The following LRGUK variants were observed in gnomAD, a reference collection of about 807,000 sequenced individuals.
The protein encoded by LRGUK is leucine rich repeats and guanylate kinase domain containing.
Under a neutral mutation model 76.0 loss-of-function variants are expected in LRGUK, and 65 were observed. That is an observed-to-expected ratio of 0.85 (90% CI 0.70 to 1.05). The LOEUF is 1.05. Among genes scored for constraint, LRGUK ranks in the 50% least tolerant of loss-of-function variants. The pLI is 0.00. For missense variants in LRGUK, 758 were observed against 732.8 expected, an observed-to-expected ratio of 1.03 and a Z score of -0.40; for synonymous variants, 268 against 265.6, an observed-to-expected ratio of 1.01 and a Z score of -0.09.
chr7:134,241,119 C>T (rs567810955), intron 16 of LRGUK, among the ~76,000 whole-genome samples: 5 of 152,232 alleles, frequency 3.3e-5, no homozygotes, highest in South Asian at 4.2e-4. Flanking sequence ...TAAAGACCAT[C>T]GATGCTAGGA....
At chr7:134,261,830 G>A (rs1160097986) in intron 19 of LRGUK, among the ~76,000 whole-genome samples, 6 of 152,106 alleles carry the variant, frequency 3.9e-5, no homozygotes, top group Admixed American at 2.6e-4. Flanking sequence ...TATAAACAAT[G>A]TGCAAATGAA....
chr7:134,252,453 G>A (rs1585603697), intron 18 of LRGUK, among the ~76,000 whole-genome samples: 2 of 152,138 alleles, frequency 1.3e-5, no homozygotes, highest in East Asian at 3.9e-4. Flanking sequence ...CAAGAACTCA[G>A]CCCAAGATGG....
intron 19 of LRGUK, 66 bp from the exon 20 acceptor site, chr7:134,263,779 A>G (rs1283934464): frequency 6.8e-7 from 1 of 1,461,178 alleles, no homozygotes; most frequent in African/African-American, 1.4e-5. Context: ...TATATCATGC[A>G]ACACTTATTC....
At chr7:134,163,418 A>G (rs759039503) in exon 7 of LRGUK, 12 of 1,613,158 alleles carry the variant, frequency 7.4e-6, no homozygotes, top group Non-Finnish European at 1.0e-5. Flanking sequence ...GATTGAGATG[A>G]TCACAGGTTT....
At chr7:134,175,747 G>A (rs1009665521) in intron 8 of LRGUK, among the ~76,000 whole-genome samples, 4 of 151,970 alleles carry the variant, frequency 2.6e-5, no homozygotes, top group African/African-American at 7.2e-5. Flanking sequence ...CAGATCATCC[G>A]CTAATATCTA....
At chr7:134,183,627 A>T in intron 10 of LRGUK, 107 bp from the exon 11 acceptor site, 1 of 1,234,274 alleles carries the variant, frequency 8.1e-7, no homozygotes, top group Non-Finnish European at 1.2e-6. Flanking sequence ...GCAGGGTCTT[A>T]TATAGCAAGT....
At chr7:134,261,141 T>C (rs1802715033) in intron 19 of LRGUK, among the ~76,000 whole-genome samples, 1 of 152,184 alleles carries the variant, frequency 6.6e-6, no homozygotes, top group African/African-American at 2.4e-5. Flanking sequence ...ACAATAAGGG[T>C]CTGGAAGTTC....
intron 7 of LRGUK, among the ~76,000 whole-genome samples, chr7:134,169,447 A>G (rs1174297516): frequency 2.0e-5 from 3 of 152,112 alleles, no homozygotes; most frequent in African/African-American, 4.8e-5. Flanking sequence ...ACCCTAGAAA[A>G]CTTATATATC....
exon 16 of LRGUK, chr7:134,221,834 G>C: frequency 6.2e-7 from 1 of 1,601,500 alleles, no homozygotes; most frequent in East Asian, 2.3e-5. Flanking sequence ...ATATTTCTTC[G>C]AATATGGGTG....
chr7:134,146,077 A>C (rs1044903971), intron 4 of LRGUK, among the ~76,000 whole-genome samples: 12 of 152,126 alleles, frequency 7.9e-5, no homozygotes, highest in Admixed American at 2.6e-4. Flanking sequence ...GTTCAAGACC[A>C]GCCATGGTCA....
chr7:134,135,232 T>A (rs1797475276), intron 1 of LRGUK, among the ~76,000 whole-genome samples: 1 of 152,162 alleles, frequency 6.6e-6, no homozygotes, highest in African/African-American at 2.4e-5. Context: ...GAATGAATAG[T>A]CCCTTAGAAA....
At chr7:134,268,298 G>A (rs553783730), downstream of LRGUK, among the ~76,000 whole-genome samples, 1 of 152,164 alleles carries the variant, frequency 6.6e-6, no homozygotes, top group Non-Finnish European at 1.5e-5. Flanking sequence ...TGAAACTACA[G>A]ACTCCATAAA....
chr7:134,173,811 T>C (rs1563161073), intron 7 of LRGUK, among the ~76,000 whole-genome samples: 1 of 152,194 alleles, frequency 6.6e-6, no homozygotes, highest in Non-Finnish European at 1.5e-5. Context: ...AAGCCATATA[T>C]GTACATGCAG....
chr7:134,137,264 A>G, intron 2 of LRGUK, 134 bp downstream of exon 2: 2 of 653,594 alleles, frequency 3.1e-6, no homozygotes, highest in Non-Finnish European at 5.3e-6. Flanking sequence ...ACTGGTGACA[A>G]GAGATATTTC....
chr7:134,127,694 T>C (rs1197285029), intron 1 of LRGUK, 30 bp downstream of exon 1: 1 of 1,575,766 alleles, frequency 6.3e-7, no homozygotes, highest in East Asian at 2.3e-5. Flanking sequence ...CCGTACTCCC[T>C]GGCTCCCTCG....
At chr7:134,172,792 A>G (rs1799312041) in intron 7 of LRGUK, among the ~76,000 whole-genome samples, 1 of 152,028 alleles carries the variant, frequency 6.6e-6, no homozygotes, top group Non-Finnish European at 1.5e-5. Context: ...GAACAGCCTG[A>G]GCAACATGGC....
intron 4 of LRGUK, among the ~76,000 whole-genome samples, chr7:134,145,906 C>T (rs1257541375): frequency 2.6e-5 from 4 of 152,312 alleles, no homozygotes; most frequent in South Asian, 2.1e-4. Context: ...GTTAATTTGA[C>T]TTGATGGCTA....
At chr7:134,224,069 C>A (rs1426048469) in intron 16 of LRGUK, among the ~76,000 whole-genome samples, 1 of 152,220 alleles carries the variant, frequency 6.6e-6, no homozygotes, top group Non-Finnish European at 1.5e-5. Context: ...CTTTCCAGAT[C>A]AGCCCACAGC....
At chr7:134,209,292 T>C (rs1205929317) in exon 16 of LRGUK, 1 of 399,240 alleles carries the variant, frequency 2.5e-6, no homozygotes, top group East Asian at 3.6e-5. Flanking sequence ...GATGAGGAAA[T>C]TGAGTCAGAC....
Sources: gnomAD v4.1 joint callset for allele counts (sites outside exome capture counted in the v4.1 genomes callset) on GRCh38, gnomAD v4.1.1 for gene constraint, MANE v1.5 for transcripts, NCBI Gene and HGNC (gene_info 2026-07-23, HGNC 2026-07-21) for gene names.